Variants in CXXC4 observed in about 807,000 individuals in gnomAD.
CXXC4 encodes the protein CXXC-type zinc finger protein 4.
In CXXC4, 5 loss-of-function variants were observed where a neutral mutation model predicts 20.5. That is an observed-to-expected ratio of 0.24 (90% CI 0.13 to 0.51). The LOEUF (loss-of-function observed/expected upper bound fraction) is 0.51, where lower values mean the gene tolerates loss of function less well. Among genes scored for constraint, CXXC4 ranks in the 20% least tolerant of loss-of-function variants. CXXC4 has a pLI of 0.97. For missense variants in CXXC4, 419 were observed against 496.4 expected (o/e 0.84, Z 1.48); for synonymous variants, 250 against 216.4 (o/e 1.16, Z -1.36).
intron 2 of CXXC4, among the ~76,000 whole-genome samples, chr4:104,472,829 C>T (rs1282674461): frequency 1.3e-5 from 2 of 152,070 alleles, no homozygotes; most frequent in African/African-American, 4.8e-5. Flanking sequence ...TGCTGGTTAG[C>T]TTTCTACATT....
intron 2 of CXXC4, among the ~76,000 whole-genome samples, chr4:104,479,760 C>T (rs1410634445): frequency 6.8e-6 from 1 of 147,398 alleles, no homozygotes; most frequent in African/African-American, 2.5e-5. Flanking sequence ...CCCTCTCCCT[C>T]CCTTCCTTCC....
rs1303795847 is a variant in CXXC4, at chr4:104,491,622, C to T, written c.181G>A (p.Ala61Thr). 1.9e-6 allele frequency: 3 copies of T among 1,542,800 alleles called. No homozygotes were observed. The highest frequency in any genetic ancestry group is 1.4e-5 in the African/African-American group (1 of 72,026). Residue 61 changes from alanine (A) to threonine (T), a missense_variant, in exon 2 of 3, where the codon GCC (alanine) becomes ACC (threonine). Around this residue, in one of 3 missense-constraint regions of CXXC4, gnomAD observed 388 missense variants for 416.0 expected, o/e 0.93. Coordinates refer to ENST00000394767, the MANE Select transcript of CXXC4 (RefSeq NM_025212.4). ...GGGGTGGTGATGCGCGCGATCTTGGCCGCCTGTGGGAAGGCGCCCCCGTTG... is the reference window on the plus strand; with the variant it reads ...GGGGTGGTGATGCGCGCGATCTTGGTCGCCTGTGGGAAGGCGCCCCCGTTG... ...KTNGGAFPQA[A>T]KIARITTPIF...
In CXXC4 at chr4:104,491,350, C is replaced by A; in HGVS notation, c.453G>T (p.Ala151=). The A allele has an allele frequency of 6.6e-7, 1 of 1,516,416 alleles. No homozygotes were observed. Among genetic ancestry groups the A allele is most frequent in the Non-Finnish European group, 8.8e-7 (1 of 1,135,010 alleles). 93.9% of individuals were successfully genotyped at this position (1,516,416 alleles called of 1,614,324 possible). ...CGCCGCCACCGCCGGCGGGGAGGATCGCCGAGGAGGAGGAGGCGGAGGAGG... is the reference window on the plus strand; with the variant it reads ...CGCCGCCACCGCCGGCGGGGAGGATAGCCGAGGAGGAGGAGGCGGAGGAGG... ...AASSSASSSS[A]ILPAGGGGGG... The change falls in exon 2 of 3, where the codon GCG becomes GCT. Residue 151 remains alanine, a synonymous_variant. Coordinates refer to ENST00000394767, the MANE Select transcript of CXXC4 (RefSeq NM_025212.4).
intron 2 of CXXC4, among the ~76,000 whole-genome samples, chr4:104,475,839 G>C (rs898573183): frequency 1.3e-5 from 2 of 152,064 alleles, no homozygotes; most frequent in African/African-American, 2.4e-5. Context: ...TGAAGAGAAG[G>C]GGGTGGGGAG....
chr4:104,487,676 G>A (rs1288895102), intron 2 of CXXC4, among the ~76,000 whole-genome samples: 2 of 152,160 alleles, frequency 1.3e-5, no homozygotes, highest in African/African-American at 4.8e-5. Context: ...TGTAATGACT[G>A]CTTTGAACAA....
chr4:104,469,157 T>G lies in CXXC4; in HGVS notation c.*3165A>C, dbSNP rs908615644. ...TTTCTACTTTGAATCTGACTCCACT[T>G]GTAGACAGACAGGCAGAGTCCATCA... On this transcript the variant is annotated 3_prime_UTR_variant, in exon 3 of 3. Transcript: ENST00000394767. 6 of 152,056 alleles carry G rather than the reference T, an allele frequency of 3.9e-5. No homozygotes were observed. Among genetic ancestry groups the G allele is most frequent in the African/African-American group, 1.4e-4 (6 of 41,432 alleles). The allele number at this position is 152,056 out of a possible 1,614,324, so 9.4% of individuals were successfully genotyped here. A position where few individuals can be genotyped will look rare whatever the true frequency, so the allele number is the denominator to read the frequency against.
chr4:104,491,555 C>A lies in CXXC4; in HGVS notation c.248G>T (p.Arg83Leu), dbSNP rs1736878176. ...GCAGTTCCAGGGGGACATGCCGATG[C>A]GCGCGGCGGCCGCGGCGGCGGCGGC... is the stretch of plus-strand genomic sequence containing the variant. ...SSAAAAAAAA[R>L]IGMSPWNCDN... The change falls in exon 2 of 3, where the codon CGC becomes CTC. Residue 83 changes from arginine to leucine, a missense_variant. Transcript: ENST00000394767. 6.7e-7 allele frequency: 1 copy of A among 1,497,546 alleles called. No individual in the cohort carries two copies. Among genetic ancestry groups the A allele is most frequent in the Non-Finnish European group, 8.9e-7 (1 of 1,121,700 alleles). 92.8% of individuals were successfully genotyped at this position (1,497,546 alleles called of 1,614,324 possible).
intron 2 of CXXC4, among the ~76,000 whole-genome samples, chr4:104,476,049 T>TCTAGTCTAAAGGACTAGAACA (rs1439017298): frequency 2.0e-5 from 3 of 152,226 alleles, no homozygotes; most frequent in South Asian, 4.1e-4. Flanking sequence ...AACACTATCT[T>TCTAGTCTAAAGGACTAGAACA]CAAGTCTAAA....
chr4:104,476,491 C>T (rs1428755772), intron 2 of CXXC4, among the ~76,000 whole-genome samples: 1 of 152,112 alleles, frequency 6.6e-6, no homozygotes, highest in African/African-American at 2.4e-5. Context: ...TATCTAAGTA[C>T]AGTGTGTAAA....
intron 2 of CXXC4, among the ~76,000 whole-genome samples, chr4:104,484,184 T>G (rs1327949888): frequency 1.3e-5 from 2 of 152,000 alleles, no homozygotes; most frequent in Non-Finnish European, 2.9e-5. Context: ...ATATAGCATC[T>G]TTCAGTTTGC....
rs1736282026 is a variant in CXXC4 at position 104,471,741 on chromosome 4, G to A, written c.*581C>T. 1 of 152,010 alleles carries A rather than the reference G, an allele frequency of 6.6e-6. No individual in the cohort carries two copies. Among genetic ancestry groups the A allele is most frequent in the Non-Finnish European group, 1.5e-5 (1 of 67,976 alleles). The allele number at this position is 152,010 out of a possible 1,614,324, so 9.4% of individuals were successfully genotyped here. A position where few individuals can be genotyped will look rare whatever the true frequency, so the allele number is the denominator to read the frequency against. ...ATCAAGTCTCTATGGAAAGATGCAT[G>A]GCAAAATGGTGCCAGTGCTGTTGCT... On this transcript the variant is annotated 3_prime_UTR_variant, in exon 3 of 3. Coordinates refer to ENST00000394767, the MANE Select transcript of CXXC4 (RefSeq NM_025212.4).
At position 104,472,117 on chromosome 4, in the gene CXXC4, T is replaced by G; in HGVS notation, c.*205A>C. ...ATCAGCGTATTGAAAGTAAATAGAC[T>G]GGCCAATTCTCCAAGCTCTCACATT... On this transcript the variant is annotated 3_prime_UTR_variant, in exon 3 of 3. Coordinates refer to ENST00000394767, the MANE Select transcript of CXXC4 (RefSeq NM_025212.4). 2.5e-6 allele frequency: 1 copy of G among 392,494 alleles called. No individual in the cohort carries two copies. Among genetic ancestry groups the G allele is most frequent in the Non-Finnish European group, 4.6e-6 (1 of 217,124 alleles). 24.3% of individuals were successfully genotyped at this position (392,494 alleles called of 1,614,324 possible). A position where few individuals can be genotyped will look rare whatever the true frequency, so the allele number is the denominator to read the frequency against.
Position 104,471,390 on chromosome 4 carries a change from T to C in CXXC4, c.*932A>G, listed in dbSNP as rs879813724. The C allele has an allele frequency of 1.3e-5, 2 of 151,916 alleles. No homozygotes were observed. Among genetic ancestry groups the C allele is most frequent in the Non-Finnish European group, 1.5e-5 (1 of 67,940 alleles). 9.4% of individuals were successfully genotyped at this position (151,916 alleles called of 1,614,324 possible). A position where few individuals can be genotyped will look rare whatever the true frequency, so the allele number is the denominator to read the frequency against. ...GGGAAAAAATGTCAGTTATAAATTTTCCCCTCCTAAGATATGATACTTTAT... is the reference window on the plus strand; with the variant it reads ...GGGAAAAAATGTCAGTTATAAATTTCCCCCTCCTAAGATATGATACTTTAT... On this transcript the variant is annotated 3_prime_UTR_variant, in exon 3 of 3. Coordinates refer to ENST00000394767, the MANE Select transcript of CXXC4 (RefSeq NM_025212.4).
Position 104,470,480 on chromosome 4 carries a change from T to G in CXXC4, c.*1842A>C, listed in dbSNP as rs888706678. On this transcript the variant is annotated 3_prime_UTR_variant, in exon 3 of 3. Coordinates refer to ENST00000394767, the MANE Select transcript of CXXC4 (RefSeq NM_025212.4). Reference sequence around the variant, plus strand: ...GCATGCTTTGTCCACCCTCCCCCAGTACTTTCACCATGAAACACTCTTTCT... The same window carrying G: ...GCATGCTTTGTCCACCCTCCCCCAGGACTTTCACCATGAAACACTCTTTCT... 2.6e-5 allele frequency: 4 copies of G among 152,068 alleles called. No homozygotes were observed. Among genetic ancestry groups the G allele is most frequent in the Admixed American group, 2.6e-4 (4 of 15,220 alleles). 9.4% of individuals were successfully genotyped at this position (152,068 alleles called of 1,614,324 possible).
chr4:104,491,649 T>C lies in CXXC4; in HGVS notation c.154A>G (p.Thr52Ala). ...GCCTGTGGGAAGGCGCCCCCGTTGGTCTTGTAGAAGGAGGTGGCAAAGGAG... is the reference window on the plus strand; with the variant it reads ...GCCTGTGGGAAGGCGCCCCCGTTGGCCTTGTAGAAGGAGGTGGCAAAGGAG... ...YRSFATSFYK[T>A]NGGAFPQAAK... The change falls in exon 2 of 3, where the codon ACC (threonine) becomes GCC (alanine). Residue 52 changes from threonine (T) to alanine (A), a missense_variant. Thr to Ala is a moderately conservative substitution (Grantham distance 58). Around this residue, in one of 3 missense-constraint regions of CXXC4, gnomAD observed 388 missense variants for 416.0 expected, o/e 0.93. Coordinates refer to ENST00000394767, the MANE Select transcript of CXXC4 (RefSeq NM_025212.4). 6.5e-7 allele frequency: 1 copy of C among 1,543,550 alleles called. No homozygotes were observed. The highest frequency in any genetic ancestry group is 8.7e-7 in the Non-Finnish European group (1 of 1,143,988).
At chr4:104,481,544 GAA>G (rs70961978) in intron 2 of CXXC4, among the ~76,000 whole-genome samples, 1 of 138,064 alleles carries the variant, frequency 7.2e-6, no homozygotes, top group Admixed American at 7.3e-5. Context: ...AGGGAAAAAA[GAA>G]AAAAAAAAAT....
Position 104,491,956 on chromosome 4 carries a change from G to A in CXXC4, c.-154C>T, listed in dbSNP as rs764787571. On this transcript the variant is annotated 5_prime_UTR_variant, in exon 2 of 3. Transcript: ENST00000394767. The stretch of plus-strand genomic sequence containing the variant: ...GGGTGGGGAAAGTGGGTTCGGGTGG[G>A]GAGAGCAAGGTGAGGGCTGCTTTAT... The A allele has an allele frequency of 7.5e-4, 311 of 417,342 alleles. No homozygotes were observed. The highest frequency in any genetic ancestry group is 5.3e-4 in the Non-Finnish European group (125 of 237,308). 25.9% of individuals were successfully genotyped at this position (417,342 alleles called of 1,614,324 possible).
intron 2 of CXXC4, among the ~76,000 whole-genome samples, chr4:104,476,006 TC>T (rs990318379): frequency 8.5e-5 from 13 of 152,058 alleles, no homozygotes; most frequent in African/African-American, 3.1e-4. Flanking sequence ...AGCACAGTGT[TC>T]CAGAGAATTC....
chr4:104,485,353 T>A (rs1269923002), intron 2 of CXXC4, among the ~76,000 whole-genome samples: 1 of 152,122 alleles, frequency 6.6e-6, no homozygotes, highest in African/African-American at 2.4e-5. Context: ...TGACTTTAAC[T>A]AGATATTTCT....
Sources: gnomAD v4.1 joint callset for allele counts (sites outside exome capture counted in the v4.1 genomes callset) on GRCh38, gnomAD v4.1.1 for gene constraint, gnomAD v4.1.1 regional missense constraint, MANE v1.5 for transcripts, NCBI Gene and HGNC (gene_info 2026-07-23, HGNC 2026-07-21) for gene names.